The following MED13L variants were observed in gnomAD, a reference collection of about 807,000 sequenced individuals.
The protein encoded by MED13L is mediator complex subunit 13L, also known as mediator of RNA polymerase II transcription subunit 13-like.
In MED13L, 7 loss-of-function variants were observed where a neutral mutation model predicts 220.9. That is an observed-to-expected ratio of 0.03 (90% CI 0.02 to 0.06). The LOEUF is 0.06. MED13L is among the 10% of genes least tolerant of loss of function. The pLI, the probability that MED13L is intolerant of heterozygous loss-of-function variation, is 1.00. For missense variants in MED13L, 1,965 were observed against 2,760.5 expected (o/e 0.71, Z 6.46); for synonymous variants, 1,011 against 1,015.2 (o/e 1.00, Z 0.08).
intron 2 of MED13L, among the ~76,000 whole-genome samples, chr12:116,166,730 G>A (rs538506043): frequency 2.6e-5 from 4 of 152,142 alleles, no homozygotes; most frequent in African/African-American, 9.6e-5. Context: ...CTCCTACCCT[G>A]CCAATAACCT....
At chr12:116,124,142 G>GAGAGAGAGAC (rs1378876292) in intron 2 of MED13L, among the ~76,000 whole-genome samples, 1 of 115,652 alleles carries the variant, frequency 8.6e-6, no homozygotes, top group Non-Finnish European at 2.0e-5. Flanking sequence ...GAGAGAGAGA[G>GAGAGAGAGAC]AGAGAGAGAC....
intron 1 of MED13L, among the ~76,000 whole-genome samples, chr12:116,247,812 T>C (rs1871215238): frequency 6.6e-6 from 1 of 152,182 alleles, no homozygotes; most frequent in East Asian, 1.9e-4. Context: ...TTTTTAAAAG[T>C]TGGTTTATAG....
intron 2 of MED13L, among the ~76,000 whole-genome samples, chr12:116,114,932 A>C (rs1321525674): frequency 6.6e-6 from 1 of 152,190 alleles, no homozygotes; most frequent in Non-Finnish European, 1.5e-5. Context: ...AAACGAAATA[A>C]AAAAGATAAA....
At chr12:116,091,552 T>C (rs1305651127) in intron 4 of MED13L, among the ~76,000 whole-genome samples, 4 of 152,260 alleles carry the variant, frequency 2.6e-5, no homozygotes, top group Admixed American at 2.6e-4. Flanking sequence ...TTAAGCTTTA[T>C]CACAAGCCCT....
At chr12:116,208,639 A>G (rs553480303) in intron 2 of MED13L, among the ~76,000 whole-genome samples, 1 of 152,346 alleles carries the variant, frequency 6.6e-6, no homozygotes, top group South Asian at 2.1e-4. Context: ...CAGCAGAAAG[A>G]GGATAAAACT....
chr12:116,080,892 T>A (rs1871195929), intron 4 of MED13L, among the ~76,000 whole-genome samples: 1 of 152,252 alleles, frequency 6.6e-6, no homozygotes, highest in Non-Finnish European at 1.5e-5. Flanking sequence ...TTATTTGTAC[T>A]TAGTAACTAG....
intron 4 of MED13L, among the ~76,000 whole-genome samples, chr12:116,068,617 T>C (rs980364380): frequency 6.6e-5 from 10 of 152,182 alleles, no homozygotes; most frequent in Admixed American, 1.3e-4. Context: ...TGCCCTAGGA[T>C]TGGCAACAGC....
chr12:116,184,324 T>C (rs951124700), intron 2 of MED13L, among the ~76,000 whole-genome samples: 5 of 152,192 alleles, frequency 3.3e-5, no homozygotes, highest in African/African-American at 9.6e-5. Context: ...ACACAACATA[T>C]ATAGTATCCA....
At chr12:116,208,032 G>A (rs747208100) in intron 2 of MED13L, among the ~76,000 whole-genome samples, 10 of 152,140 alleles carry the variant, frequency 6.6e-5, no homozygotes, top group Non-Finnish European at 1.0e-4. Context: ...GTTAAGAGTC[G>A]TGTCAAAACT....
At chr12:116,167,379 T>C (rs1461102683) in intron 2 of MED13L, among the ~76,000 whole-genome samples, 2 of 152,188 alleles carry the variant, frequency 1.3e-5, no homozygotes, top group African/African-American at 4.8e-5. Context: ...AAGTATACAA[T>C]GCTCTATTTT....
chr12:116,060,626 A>G (rs1159593852), intron 4 of MED13L, among the ~76,000 whole-genome samples: 3 of 151,978 alleles, frequency 2.0e-5, no homozygotes, highest in Non-Finnish European at 4.4e-5. Context: ...ATATAAAGAC[A>G]ATGATTCTGT....
intron 3 of MED13L, among the ~76,000 whole-genome samples, chr12:116,105,511 A>G (rs1485986628): frequency 1.3e-5 from 2 of 152,262 alleles, no homozygotes; most frequent in Non-Finnish European, 2.9e-5. Context: ...CTAAAACTAT[A>G]AAATTCAGAA....
In MED13L at chr12:115,975,583, C is replaced by T; in HGVS notation, c.5520G>A (p.Leu1840=). The T allele has an allele frequency of 6.2e-7, 1 of 1,614,118 alleles. No homozygotes were observed. Among genetic ancestry groups the T allele is most frequent in the Non-Finnish European group, 8.5e-7 (1 of 1,180,018 alleles). Reference sequence around the variant, plus strand: ...CCCCATGGAGGTCAGTGCAGGAAGCCAAAAGCCAGCGCTGGTCGTGAGACA... The same window carrying T: ...CCCCATGGAGGTCAGTGCAGGAAGCTAAAAGCCAGCGCTGGTCGTGAGACA... ...YCLSHDQRWL[L]ASCTDLHGEL... The change falls in exon 24 of 31, where the codon TTG becomes TTA. Residue 1840 remains leucine (L), a synonymous_variant. Transcript: ENST00000281928.
At chr12:116,177,898 G>A (rs1880190915) in intron 2 of MED13L, among the ~76,000 whole-genome samples, 1 of 152,132 alleles carries the variant, frequency 6.6e-6, no homozygotes, top group Non-Finnish European at 1.5e-5. Flanking sequence ...CTGTTGCCCA[G>A]GTTGGAGTGT....
chr12:115,985,563 G>T (rs1005796622), intron 19 of MED13L, among the ~76,000 whole-genome samples: 1 of 152,120 alleles, frequency 6.6e-6, no homozygotes, highest in African/African-American at 2.4e-5. Flanking sequence ...TGAATACAAA[G>T]ACATTAGATG....
intron 4 of MED13L, among the ~76,000 whole-genome samples, chr12:116,033,917 G>C (rs1027291483): frequency 6.6e-6 from 1 of 152,034 alleles, no homozygotes; most frequent in South Asian, 2.1e-4. Flanking sequence ...ATTAGCACTC[G>C]TATACAATCA....
At chr12:115,966,315 C>A in intron 28 of MED13L, 72 bp from the exon 29 acceptor site, 2 of 1,511,326 alleles carry the variant, frequency 1.3e-6, no homozygotes, top group South Asian at 1.1e-5. Context: ...TTCATCAGTT[C>A]ACTCTGCACA....
At chr12:116,058,655 T>C (rs1237138152) in intron 4 of MED13L, among the ~76,000 whole-genome samples, 2 of 152,190 alleles carry the variant, frequency 1.3e-5, no homozygotes, top group Non-Finnish European at 2.9e-5. Context: ...CAGAGATAAG[T>C]TGCTAATCTT....
intron 5 of MED13L, 24 bp downstream of exon 5, chr12:116,022,432 G>C (rs780575862): frequency 6.2e-7 from 1 of 1,613,166 alleles, no homozygotes; most frequent in Non-Finnish European, 8.5e-7. Context: ...GATAGGGGTG[G>C]AGAGCAGGAA....
Sources: gnomAD v4.1 joint callset for allele counts (sites outside exome capture counted in the v4.1 genomes callset) on GRCh38, gnomAD v4.1.1 for gene constraint, MANE v1.5 for transcripts, NCBI Gene and HGNC (gene_info 2026-07-23, HGNC 2026-07-21) for gene names.